WWOX: variants seen among roughly 807,000 people sequenced by gnomAD.
WWOX encodes WW domain-containing oxidoreductase.
In WWOX, 69 loss-of-function variants were observed where a neutral mutation model predicts 46.2. The observed-to-expected ratio is 1.49, with a 90% CI of 1.23 to 1.82. The LOEUF (loss-of-function observed/expected upper bound fraction) is 1.82. Among genes scored for constraint, WWOX ranks in the 40% most tolerant of loss-of-function variants. The probability of loss-of-function intolerance (pLI) is 0.00; values close to 1 mark genes in which losing one functional copy is unlikely to be tolerated. For missense variants in WWOX, 919 were observed against 542.6 expected, an observed-to-expected ratio of 1.69 and a Z score of -6.89; for synonymous variants, 359 against 202.6, an observed-to-expected ratio of 1.77 and a Z score of -6.56.
intron 5 of WWOX, among the ~76,000 whole-genome samples, chr16:78,329,049 C>T (rs935484091): frequency 1.3e-5 from 2 of 151,852 alleles, no homozygotes; most frequent in East Asian, 1.9e-4. Flanking sequence ...TTTCGTAGGA[C>T]GAGGTTTCAG....
intron 5 of WWOX, among the ~76,000 whole-genome samples, chr16:78,360,416 C>G (rs1307432815): frequency 1.3e-5 from 2 of 151,850 alleles, no homozygotes; most frequent in African/African-American, 2.4e-5. Context: ...GAAATCCTGT[C>G]TCTACTAAAA....
intron 8 of WWOX, among the ~76,000 whole-genome samples, chr16:79,150,767 G>A (rs529337447): frequency 6.6e-6 from 1 of 152,286 alleles, no homozygotes; most frequent in East Asian, 1.9e-4. Flanking sequence ...TTGGCCTCCT[G>A]GGTAGCCGGG....
chr16:78,547,157 A>AG (rs2044059284), intron 8 of WWOX, among the ~76,000 whole-genome samples: 1 of 135,664 alleles, frequency 7.4e-6, no homozygotes, highest in Non-Finnish European at 1.6e-5. Flanking sequence ...AAAAAAAAAA[A>AG]AACAACTACC....
chr16:78,928,358 A>G (rs1395637794), intron 8 of WWOX, among the ~76,000 whole-genome samples: 5 of 151,286 alleles, frequency 3.3e-5, no homozygotes, highest in Non-Finnish European at 7.4e-5. Context: ...GCCCGCTACC[A>G]CGCCCGGCTA....
intron 4 of WWOX, chr16:78,123,456 T>TTTTTTTTTTTTTTTTTTTTTTTTTTTTTG (rs2033215930): frequency 2.1e-4 from 3 of 14,436 alleles, no homozygotes; most frequent in Non-Finnish European, 4.2e-4. Context: ...TTTTTTTTTG[T>TTTTTTTTTTTTTTTTTTTTTTTTTTTTTG]TTTTTTTTTT....
intron 5 of WWOX, among the ~76,000 whole-genome samples, chr16:78,279,292 C>G (rs2079635470): frequency 6.6e-6 from 1 of 151,970 alleles, no homozygotes; most frequent in African/African-American, 2.4e-5. Context: ...ACACCTCCCT[C>G]TCATATTAAG....
intron 8 of WWOX, among the ~76,000 whole-genome samples, chr16:78,917,482 A>AT (rs779863159): frequency 1.8e-4 from 26 of 148,526 alleles, no homozygotes; most frequent in South Asian, 4.2e-4. Flanking sequence ...GAGCTGGCTG[A>AT]TTTTTTTTTC....
At chr16:78,943,317 G>C (rs1453672352) in intron 8 of WWOX, among the ~76,000 whole-genome samples, 4 of 147,050 alleles carry the variant, frequency 2.7e-5, no homozygotes, top group Non-Finnish European at 4.4e-5. Flanking sequence ...CGAGTAAAAA[G>C]CAACCCGAGA....
intron 8 of WWOX, among the ~76,000 whole-genome samples, chr16:79,193,686 G>C (rs537739338): frequency 2.9e-4 from 44 of 152,290 alleles, no homozygotes; most frequent in African/African-American, 1.1e-3. Flanking sequence ...AAAGACCCCA[G>C]GTGAGATCCC....
chr16:78,515,176 AT>A (rs1268671081), intron 8 of WWOX, among the ~76,000 whole-genome samples: 1 of 152,204 alleles, frequency 6.6e-6, no homozygotes, highest in African/African-American at 2.4e-5. Context: ...GTGAACCGAG[AT>A]CGTGTCACTG....
chr16:78,905,678 C>T (rs1597132310), intron 8 of WWOX, among the ~76,000 whole-genome samples: 1 of 152,298 alleles, frequency 6.6e-6, no homozygotes, highest in South Asian at 2.1e-4. Flanking sequence ...CCACCTGGCC[C>T]AGCCAGAATC....
chr16:78,783,457 T>C (rs2050378861), intron 8 of WWOX, among the ~76,000 whole-genome samples: 1 of 152,202 alleles, frequency 6.6e-6, no homozygotes, highest in Non-Finnish European at 1.5e-5. Context: ...CTTTATTTTA[T>C]GTAAGCTCTT....
intron 8 of WWOX, among the ~76,000 whole-genome samples, chr16:78,536,585 G>A (rs1440622602): frequency 6.6e-6 from 1 of 152,112 alleles, no homozygotes; most frequent in Non-Finnish European, 1.5e-5. Flanking sequence ...GCCAAGGACA[G>A]TACTGTTTGA....
chr16:78,400,624 A>G (rs1297892908), intron 6 of WWOX, among the ~76,000 whole-genome samples: 1 of 151,946 alleles, frequency 6.6e-6, no homozygotes. Context: ...CATCCTAAGG[A>G]GGGAGGGAGG....
chr16:78,278,133 T>C (rs2079612683), intron 5 of WWOX, among the ~76,000 whole-genome samples: 1 of 152,186 alleles, frequency 6.6e-6, no homozygotes, highest in African/African-American at 2.4e-5. Context: ...GGCGGTTTGC[T>C]GGTATTATAT....
At chr16:79,149,758 G>T (rs1210916602) in intron 8 of WWOX, among the ~76,000 whole-genome samples, 4 of 152,236 alleles carry the variant, frequency 2.6e-5, no homozygotes, top group Non-Finnish European at 5.9e-5. Context: ...CAGGAGACCA[G>T]ACTCCAAGTT....
intron 6 of WWOX, among the ~76,000 whole-genome samples, chr16:78,416,735 C>A (rs929623564): frequency 1.3e-5 from 2 of 152,180 alleles, no homozygotes; most frequent in African/African-American, 4.8e-5. Context: ...CAGAAACTAT[C>A]TTTGAGGAAT....
chr16:79,211,644 G>T lies in WWOX; in HGVS notation c.1093G>T (p.Val365Phe). The change falls in exon 9 of 9, where the codon GTC becomes TTC. Residue 365 changes from valine (V) to phenylalanine (F), a missense_variant. Physicochemically the swap from Val to Phe is conservative, Grantham distance 50. Transcript: ENST00000566780. ...TGCCACCACCGTGTACTGTGCTGCT[G>T]TCCCAGAACTGGAGGGTCTGGGAGG... ...GAATTVYCAA[V>F]PELEGLGGMY... The T allele has an allele frequency of 3.7e-6, 6 of 1,614,180 alleles. No homozygotes were observed. The highest frequency in any genetic ancestry group is 5.1e-6 in the Non-Finnish European group (6 of 1,180,042).
intron 8 of WWOX, among the ~76,000 whole-genome samples, chr16:79,107,408 T>C (rs1192064030): frequency 1.3e-5 from 2 of 152,242 alleles, no homozygotes; most frequent in Admixed American, 6.5e-5. Context: ...TTTTATTTGT[T>C]ATTTTTGTTC....
Sources: gnomAD v4.1 joint callset for allele counts (sites outside exome capture counted in the v4.1 genomes callset) on GRCh38, gnomAD v4.1.1 for gene constraint, MANE v1.5 for transcripts, NCBI Gene and HGNC (gene_info 2026-07-23, HGNC 2026-07-21) for gene names.